Variants in SIPA1L2 observed in about 807,000 individuals in gnomAD.
SIPA1L2 encodes the protein signal-induced proliferation-associated 1-like protein 2.
In SIPA1L2, 56 loss-of-function variants were observed where a neutral mutation model predicts 163.9. That is an observed-to-expected ratio of 0.34 (90% confidence interval 0.28 to 0.43). The LOEUF is 0.43. SIPA1L2 is among the 20% of genes least tolerant of loss of function. SIPA1L2 has a pLI of 1.00. For synonymous variants in SIPA1L2, 877 were observed against 865.7 expected (o/e 1.01, Z -0.23); for missense variants, 1,974 against 2,193.5 (o/e 0.90, Z 2.00).
intron 2 of SIPA1L2, among the ~76,000 whole-genome samples, chr1:232,531,354 C>G (rs1656924216): frequency 6.6e-6 from 1 of 152,282 alleles, no homozygotes; most frequent in Middle Eastern, 3.4e-3. Flanking sequence ...TCTTTTCCAT[C>G]CCCTTTCTTG....
At chr1:232,599,840 A>C (rs376962298) in intron 1 of SIPA1L2, among the ~76,000 whole-genome samples, 1 of 152,264 alleles carries the variant, frequency 6.6e-6, no homozygotes, top group Non-Finnish European at 1.5e-5. Context: ...GCAGAAGTGC[A>C]TGCTCGAAAG....
chr1:232,465,028 T>C lies in SIPA1L2; in HGVS notation c.2632A>G (p.Asn878Asp), dbSNP rs1345436281. The change falls in exon 9 of 23, where the codon AAT becomes GAT. Residue 878 changes from asparagine to aspartate, a missense_variant. Around this residue, in one of 3 missense-constraint regions of SIPA1L2, gnomAD observed 1,079 missense variants for 1,150.7 expected, o/e 0.94. Coordinates refer to ENST00000674635, the MANE Select transcript of SIPA1L2 (RefSeq NM_020808.5). The surrounding 1 kb of genome is among the most constrained non-coding windows in gnomAD (Gnocchi z 4.1). Reference sequence around the variant, plus strand: ...TTTTCAATCAACATGATGAACTCATTGGAGATCCCGAGAAGACATTCAATG... The same window carrying C: ...TTTTCAATCAACATGATGAACTCATCGGAGATCCCGAGAAGACATTCAATG... ...ADIECLLGISNEFIMLIEKDS... is the reference protein window; with the variant it reads ...ADIECLLGISDEFIMLIEKDS... 2 of 1,614,212 alleles carry C rather than the reference T, an allele frequency of 1.2e-6. No homozygotes were observed. The highest frequency in any genetic ancestry group is 1.7e-6 in the Non-Finnish European group (2 of 1,180,020).
chr1:232,436,674 T>G (rs1376746885), intron 15 of SIPA1L2, among the ~76,000 whole-genome samples: 1 of 152,236 alleles, frequency 6.6e-6, no homozygotes. Context: ...AGAATCTTTG[T>G]GTGGCTTGAT....
intron 3 of SIPA1L2, among the ~76,000 whole-genome samples, chr1:232,502,768 A>G (rs1666545095): frequency 6.6e-6 from 1 of 152,216 alleles, no homozygotes; most frequent in Non-Finnish European, 1.5e-5. Context: ...TTTTGGTTTC[A>G]CCAAAGAATA....
At chr1:232,453,794 T>A (rs1012976718) in intron 10 of SIPA1L2, among the ~76,000 whole-genome samples, 2 of 150,542 alleles carry the variant, frequency 1.3e-5, no homozygotes, top group African/African-American at 4.9e-5. Flanking sequence ...TACTGCAGCC[T>A]ACACTATGTC....
At chr1:232,529,146 G>T (rs975968318) in intron 2 of SIPA1L2, among the ~76,000 whole-genome samples, 1 of 152,182 alleles carries the variant, frequency 6.6e-6, no homozygotes, top group African/African-American at 2.4e-5. Flanking sequence ...AGAATGATCA[G>T]TTATGATACA....
At chr1:232,580,227 G>A (rs1660304273) in intron 1 of SIPA1L2, among the ~76,000 whole-genome samples, 1 of 152,160 alleles carries the variant, frequency 6.6e-6, no homozygotes, top group African/African-American at 2.4e-5. Flanking sequence ...TCATGGCACT[G>A]GTGGGAGTGT....
At chr1:232,403,650 G>T in intron 20 of SIPA1L2, 79 bp from the exon 21 acceptor site, 1 of 1,496,974 alleles carries the variant, frequency 6.7e-7, no homozygotes, top group Middle Eastern at 1.8e-4. Flanking sequence ...AAATGCAATA[G>T]CTAAATAAAA....
chr1:232,491,067 A>T lies in SIPA1L2; in HGVS notation c.1618-5T>A. On this transcript the variant is annotated splice_polypyrimidine_tract_variant and splice_region_variant and intron_variant, in intron 4 of 22. Transcript: ENST00000674635. ...TGCTCCTCTCAGTGTTGTAAGCTGC[A>T]GTGACAAAACATAAGACTTCGGTTA... 1 of 1,610,592 alleles carries T rather than the reference A, an allele frequency of 6.2e-7. No homozygotes were observed. The highest frequency in any genetic ancestry group is 8.5e-7 in the Non-Finnish European group (1 of 1,178,324).
chr1:232,491,628 C>T (rs1665935105), intron 4 of SIPA1L2, among the ~76,000 whole-genome samples: 1 of 152,114 alleles, frequency 6.6e-6, no homozygotes. Context: ...TTTAGATGTC[C>T]TCAAATTCAC....
intron 1 of SIPA1L2, among the ~76,000 whole-genome samples, chr1:232,620,583 T>G (rs756868960): frequency 4.6e-5 from 7 of 152,184 alleles, no homozygotes; most frequent in Non-Finnish European, 1.0e-4. Context: ...AGAGGATGAA[T>G]TTAGAAAGCT....
intron 9 of SIPA1L2, among the ~76,000 whole-genome samples, chr1:232,464,392 T>C (rs1441239369): frequency 6.6e-6 from 1 of 152,224 alleles, no homozygotes; most frequent in East Asian, 1.9e-4. Flanking sequence ...ATAATATATT[T>C]AATCTGGCAC....
At chr1:232,577,136 T>C (rs1022896141) in intron 1 of SIPA1L2, among the ~76,000 whole-genome samples, 2 of 152,224 alleles carry the variant, frequency 1.3e-5, no homozygotes, top group African/African-American at 4.8e-5. Flanking sequence ...TGACTTTAAG[T>C]TGAAACTCAT....
At chr1:232,467,413 T>C (rs185360538) in intron 8 of SIPA1L2, among the ~76,000 whole-genome samples, 1 of 152,210 alleles carries the variant, frequency 6.6e-6, no homozygotes, top group East Asian at 1.9e-4. Flanking sequence ...GTGTGGCCCA[T>C]TTTCCCCTCA....
chr1:232,472,043 G>A (rs2102948010), intron 7 of SIPA1L2, among the ~76,000 whole-genome samples: 1 of 152,258 alleles, frequency 6.6e-6, no homozygotes, highest in East Asian at 1.9e-4. Flanking sequence ...ACTGAACCCT[G>A]GCCGTTTAAA....
At chr1:232,526,318 T>A (rs1286289702) in intron 2 of SIPA1L2, among the ~76,000 whole-genome samples, 5 of 143,338 alleles carry the variant, frequency 3.5e-5, no homozygotes, top group South Asian at 2.3e-4. Flanking sequence ...ACACCTCTCA[T>A]GGGATCCCCT....
chr1:232,530,122 CTTTTTT>C (rs869070747), intron 2 of SIPA1L2, among the ~76,000 whole-genome samples: 1 of 145,452 alleles, frequency 6.9e-6, no homozygotes, highest in African/African-American at 2.5e-5. Context: ...ACCATTTATT[CTTTTTT>C]TTTTTTAGAT....
At chr1:232,512,931 CTGTG>C (rs1667047568) in intron 3 of SIPA1L2, among the ~76,000 whole-genome samples, 1 of 152,188 alleles carries the variant, frequency 6.6e-6, no homozygotes, top group African/African-American at 2.4e-5. Context: ...CTCAGGCACT[CTGTG>C]AGGTTATCCC....
At chr1:232,443,419 A>C (rs1330154823) in intron 12 of SIPA1L2, among the ~76,000 whole-genome samples, 183 bp downstream of exon 12, 5 of 152,218 alleles carry the variant, frequency 3.3e-5, no homozygotes, top group Admixed American at 1.3e-4. Flanking sequence ...TCGACAAGTG[A>C]GCACTACTTA....
Sources: allele counts gnomAD v4.1 joint callset (sites outside exome capture counted in the v4.1 genomes callset), GRCh38; gene constraint gnomAD v4.1.1; regional missense constraint gnomAD v4.1.1; non-coding constraint Gnocchi (gnomAD v3.1); transcripts MANE v1.5; gene names NCBI Gene and HGNC (gene_info 2026-07-23, HGNC 2026-07-21).